The following ZFHX3 variants were observed in gnomAD, a reference collection of about 807,000 sequenced individuals.
ZFHX3 encodes the protein zinc finger homeobox 3.
In ZFHX3, 42 loss-of-function variants were observed where a neutral mutation model predicts 279.1. The ratio of observed to expected loss-of-function variants is 0.15; its 90% CI spans 0.12 to 0.19. The LOEUF (loss-of-function observed/expected upper bound fraction) is 0.19, where lower values mean the gene tolerates loss of function less well. Ranked by LOEUF, ZFHX3 falls within the 10% of genes least tolerant of loss-of-function variation. The pLI is 1.00. For missense variants in ZFHX3, 4,981 were observed against 4,754.0 expected, an observed-to-expected ratio of 1.05 and a Z score of -1.40; for synonymous variants, 2,293 against 1,957.8, an observed-to-expected ratio of 1.17 and a Z score of -4.52.
intron 1 of ZFHX3, among the ~76,000 whole-genome samples, chr16:73,004,159 C>CCTTT (rs1963611018): frequency 2.0e-5 from 1 of 49,372 alleles, no homozygotes; most frequent in Non-Finnish European, 3.3e-5. Flanking sequence ...AAAAACACGA[C>CCTTT]TTTTTTTTTT....
chr16:73,804,060 G>A lies in ZFHX3; in HGVS notation c.-1608+87591C>T, dbSNP rs555338497. ...TAGCCCTAGCAACTCGGGAGGATGA[G>A]GTGGGAAGATCACTTTAGCCTGGGA... On this transcript the variant is annotated intron_variant, in intron 1 of 17. Coordinates refer to the ZFHX3 transcript ENST00000641206. Among the ~76,000 whole-genome samples the A allele has an allele frequency of 7.2e-5, 11 of 152,298 alleles. No homozygotes were observed. In the South Asian group the frequency reaches 2.1e-3, roughly 29 times the overall value.
rs373613661 is a variant in ZFHX3, at chr16:73,699,456, C to G, written c.-1607-19216G>C. On this transcript the variant is annotated intron_variant, in intron 1 of 17. Transcript: ENST00000641206. The stretch of plus-strand genomic sequence containing the variant: ...GGTGTGTGTTTCTCTATTGTTTTTA[C>G]TTTGAAAAGCTTTTCATATAGGGCA... 1.1e-4 allele frequency among the ~76,000 whole-genome samples: 17 copies of G among 152,184 alleles called. No individual in the cohort carries two copies. The East Asian group carries it at 2.3e-3, about 21-fold the overall frequency.
intron 1 of ZFHX3, among the ~76,000 whole-genome samples, chr16:73,807,620 A>ATTTTTTTTTTTTTTTTTTTTTTTTTTTT (rs55806545): frequency 1.4e-5 from 1 of 70,548 alleles, no homozygotes; most frequent in African/African-American, 5.5e-5. Context: ...CCATGCCCCA[A>ATTTTTTTTTTTTTTTTTTTTTTTTTTTT]TTTTTTTTTT....
intron 3 of ZFHX3, among the ~76,000 whole-genome samples, chr16:73,335,829 C>G (rs11859513): frequency 6.6e-6 from 1 of 152,072 alleles, no homozygotes; most frequent in Non-Finnish European, 1.5e-5. Flanking sequence ...GCATTTCATT[C>G]TTGCCTAGAA....
chr16:73,387,000 C>A (rs188335347), intron 3 of ZFHX3: 1 of 152,306 alleles, frequency 6.6e-6, no homozygotes, highest in East Asian at 1.9e-4. Flanking sequence ...AAGCGACCAA[C>A]AACAGCAAAG....
At chr16:73,314,681 CT>C in intron 4 of ZFHX3, among the ~76,000 whole-genome samples, 1 of 152,304 alleles carries the variant, frequency 6.6e-6, no homozygotes, top group Middle Eastern at 3.4e-3. Context: ...AATGACATCC[CT>C]GAGCTGCTCC....
At chr16:73,838,790 G>GTC (rs1491455371) in intron 1 of ZFHX3, among the ~76,000 whole-genome samples, 1 of 150,476 alleles carries the variant, frequency 6.6e-6, no homozygotes, top group Non-Finnish European at 1.5e-5. Context: ...GTGTGTGTGT[G>GTC]CGTGCGCGCA....
chr16:73,593,000 A>C (rs1212953993), intron 2 of ZFHX3, among the ~76,000 whole-genome samples: 1 of 152,102 alleles, frequency 6.6e-6, no homozygotes, highest in Non-Finnish European at 1.5e-5. Flanking sequence ...AGTTTATATG[A>C]ATAAATTTGA....
intron 4 of ZFHX3, among the ~76,000 whole-genome samples, chr16:73,257,301 A>G (rs1456610150): frequency 6.6e-6 from 1 of 152,176 alleles, no homozygotes; most frequent in Non-Finnish European, 1.5e-5. Flanking sequence ...ACCTCACTTG[A>G]CTTTGTGTCG....
chr16:73,602,230 G>GT (rs2052126210), intron 2 of ZFHX3, among the ~76,000 whole-genome samples: 1 of 152,114 alleles, frequency 6.6e-6, no homozygotes. Context: ...TGGCTGGTGG[G>GT]TTTTTTCTAA....
At chr16:73,554,327 C>G (rs2020243419) in intron 2 of ZFHX3, 1 of 152,100 alleles carries the variant, frequency 6.6e-6, no homozygotes, top group African/African-American at 2.4e-5. Flanking sequence ...GGTTTGCAGC[C>G]ATTTCTTTAC....
At chr16:73,297,341 G>A (rs1396334946) in intron 4 of ZFHX3, among the ~76,000 whole-genome samples, 1 of 152,010 alleles carries the variant, frequency 6.6e-6, no homozygotes, top group Non-Finnish European at 1.5e-5. Context: ...TGTTCCTGGT[G>A]CTGTAGCCAC....
chr16:73,557,326 T>C (rs1174923497), intron 2 of ZFHX3, among the ~76,000 whole-genome samples: 1 of 152,130 alleles, frequency 6.6e-6, no homozygotes, highest in Non-Finnish European at 1.5e-5. Flanking sequence ...ATTAGACCCT[T>C]GTGTTACAGG....
intron 1 of ZFHX3, among the ~76,000 whole-genome samples, chr16:73,880,840 A>C (rs1330274050): frequency 6.6e-6 from 1 of 152,278 alleles, no homozygotes; most frequent in East Asian, 1.9e-4. Context: ...TCGGATAGTA[A>C]TCTTTCCAAA....
chr16:73,315,554 A>G (rs1307967221), intron 4 of ZFHX3, among the ~76,000 whole-genome samples: 1 of 152,178 alleles, frequency 6.6e-6, no homozygotes, highest in African/African-American at 2.4e-5. Flanking sequence ...AAACAAAAAG[A>G]CAACACAGAC....
At chr16:73,870,737 G>T (rs1962140726) in intron 1 of ZFHX3, among the ~76,000 whole-genome samples, 1 of 152,154 alleles carries the variant, frequency 6.6e-6, no homozygotes. Flanking sequence ...GAAGTTTGTT[G>T]TGGGGCCCGG....
At chr16:73,771,022 C>A (rs541040840) in intron 1 of ZFHX3, among the ~76,000 whole-genome samples, 11 of 152,284 alleles carry the variant, frequency 7.2e-5, no homozygotes, top group African/African-American at 2.6e-4. Context: ...GAGCAAGTCA[C>A]TTCACATCTC....
At chr16:73,596,357 C>A (rs981444209) in intron 2 of ZFHX3, among the ~76,000 whole-genome samples, 2 of 152,094 alleles carry the variant, frequency 1.3e-5, no homozygotes, top group African/African-American at 4.8e-5. Context: ...TTGCATAAGA[C>A]TCCACATGGG....
chr16:73,872,504 G>T (rs897053607), intron 1 of ZFHX3, among the ~76,000 whole-genome samples: 1 of 151,814 alleles, frequency 6.6e-6, no homozygotes, highest in Non-Finnish European at 1.5e-5. Flanking sequence ...CAAATTGCTG[G>T]GATTACAGGC....
Sources: gnomAD v4.1 joint callset for allele counts (sites outside exome capture counted in the v4.1 genomes callset) on GRCh38, gnomAD v4.1.1 for gene constraint, MANE v1.5 for transcripts, NCBI Gene and HGNC (gene_info 2026-07-23, HGNC 2026-07-21) for gene names.